Variants in MRPL42 observed in about 807,000 individuals in gnomAD.
MRPL42 encodes the protein large ribosomal subunit protein mL42.
Under a neutral mutation model 17.9 loss-of-function variants are expected in MRPL42, and 17 were observed. The ratio of observed to expected loss-of-function variants is 0.95; its 90% CI spans 0.65 to 1.42. MRPL42 has a LOEUF of 1.42. Among genes scored for constraint, MRPL42 ranks in the 40% most tolerant of loss-of-function variants. MRPL42 has a pLI of 0.00. For missense variants in MRPL42, 177 were observed against 175.2 expected (o/e 1.01, Z -0.06); for synonymous variants, 59 against 54.4 (o/e 1.08, Z -0.37).
chr12:93,482,024 C>T (rs929074124), intron 4 of MRPL42, among the ~76,000 whole-genome samples: 3 of 152,124 alleles, frequency 2.0e-5, no homozygotes, highest in African/African-American at 7.2e-5. Context: ...ATCTTCTCTG[C>T]CACATCATCA....
At chr12:93,500,133 T>A (rs888818852) in intron 5 of MRPL42, among the ~76,000 whole-genome samples, 2 of 152,206 alleles carry the variant, frequency 1.3e-5, no homozygotes, top group African/African-American at 4.8e-5. Flanking sequence ...TTTCTCTATA[T>A]CTATACATAA....
intron 3 of MRPL42, among the ~76,000 whole-genome samples, chr12:93,478,264 T>C (rs1880279344): frequency 6.7e-6 from 1 of 150,286 alleles, no homozygotes; most frequent in African/African-American, 2.5e-5. Context: ...CCTTTTATTT[T>C]TGAGACAGGG....
Position 93,477,005 on chromosome 12 carries a change from A to G in MRPL42, c.122A>G (p.Asp41Gly). 2 of 1,594,178 alleles carry G rather than the reference A, an allele frequency of 1.3e-6. No homozygotes were observed. Among genetic ancestry groups the G allele is most frequent in the Non-Finnish European group, 1.7e-6 (2 of 1,164,752 alleles). ...AAATCTACGTATTCTCCTCTACCAG[A>G]TGACTATAATTGGTATGTATTAAAA... ...CHKSTYSPLPDDYNCNVELAL... is the reference protein window; with the variant it reads ...CHKSTYSPLPGDYNCNVELAL... The change falls in exon 3 of 6, where the codon GAT becomes GGT. Residue 41 changes from aspartate (D) to glycine (G), a missense_variant. Asp to Gly is a moderately conservative substitution (Grantham distance 94). Transcript: ENST00000549982.
rs1470652153 is a variant in MRPL42 at position 93,502,618 on chromosome 12, AAAC to A, written c.*1400_*1402del. 6.6e-6 allele frequency: 1 copy of A among 152,198 alleles called. No individual in the cohort carries two copies. The highest frequency in any genetic ancestry group is 2.4e-5 in the African/African-American group (1 of 41,458). The allele number at this position is 152,198 out of a possible 1,614,324, so 9.4% of individuals were successfully genotyped here. A position where few individuals can be genotyped will look rare whatever the true frequency, so the allele number is the denominator to read the frequency against. On this transcript the variant is annotated 3_prime_UTR_variant, in exon 6 of 6. Transcript: ENST00000549982. The stretch of plus-strand genomic sequence containing the variant: ...TAAATTTCATTTGGAAAGATTAAAA[AAAC>A]AAGTTTGATTGAACTTGATAAATCA...
Position 93,502,770 on chromosome 12 carries a change from A to T in MRPL42, c.*1549A>T, listed in dbSNP as rs2121286704. The T allele has an allele frequency of 6.6e-6, 1 of 152,318 alleles. No homozygotes were observed. The highest frequency in any genetic ancestry group is 1.5e-5 in the Non-Finnish European group (1 of 68,018). The allele number at this position is 152,318 out of a possible 1,614,324, so 9.4% of individuals were successfully genotyped here. The stretch of plus-strand genomic sequence containing the variant: ...TTATAAATGTAGAAAGAAGTGAAAA[A>T]TCAAAATATGATTATGAAGATTTTC... On this transcript the variant is annotated 3_prime_UTR_variant, in exon 6 of 6. Transcript: ENST00000549982.
At chr12:93,494,589 A>G (rs1264121158) in intron 5 of MRPL42, among the ~76,000 whole-genome samples, 2 of 152,204 alleles carry the variant, frequency 1.3e-5, no homozygotes, top group Non-Finnish European at 1.5e-5. Context: ...ACACATACCA[A>G]GTTAAGGATA....
intron 1 of MRPL42, among the ~76,000 whole-genome samples, chr12:93,467,758 C>T (rs1263554848): frequency 1.3e-5 from 2 of 152,206 alleles, no homozygotes; most frequent in African/African-American, 2.4e-5. Flanking sequence ...CCCTGGCGGA[C>T]GCCCGTGGGG....
intron 2 of MRPL42, among the ~76,000 whole-genome samples, chr12:93,476,001 A>G (rs1370575989): frequency 2.0e-5 from 3 of 152,066 alleles, no homozygotes; most frequent in African/African-American, 7.2e-5. Flanking sequence ...CAAAACAACA[A>G]CAACAAAAAA....
intron 2 of MRPL42, among the ~76,000 whole-genome samples, chr12:93,475,780 C>T (rs898794436): frequency 3.3e-5 from 5 of 151,932 alleles, no homozygotes; most frequent in Admixed American, 2.6e-4. Flanking sequence ...GTCAGGAGAT[C>T]GAGACCATCC....
intron 5 of MRPL42, among the ~76,000 whole-genome samples, chr12:93,489,902 G>A (rs1024491887): frequency 6.6e-6 from 1 of 152,150 alleles, no homozygotes; most frequent in Middle Eastern, 3.2e-3. Context: ...ATTTTTAATT[G>A]TAAGGTTAGG....
At chr12:93,488,404 T>G in intron 5 of MRPL42, 1 of 398,076 alleles carries the variant, frequency 2.5e-6, no homozygotes, top group Non-Finnish European at 4.4e-6. Context: ...ACTTTTAAAT[T>G]TACATATAAT....
chr12:93,504,787 A>G lies in MRPL42; in HGVS notation c.*3566A>G, dbSNP rs1953650262. 6.6e-6 allele frequency: 1 copy of G among 152,190 alleles called. No individual in the cohort carries two copies. The highest frequency in any genetic ancestry group is 1.5e-5 in the Non-Finnish European group (1 of 68,036). The allele number at this position is 152,190 out of a possible 1,614,324, so 9.4% of individuals were successfully genotyped here. On this transcript the variant is annotated 3_prime_UTR_variant, in exon 6 of 6. Transcript: ENST00000549982. ...CACTGTATATCTCTCCATAGCACTTAATCAGAGTTTGTAATTAGGCATCTT... is the reference window on the plus strand; with the variant it reads ...CACTGTATATCTCTCCATAGCACTTGATCAGAGTTTGTAATTAGGCATCTT...
chr12:93,469,405 TAAG>T, intron 2 of MRPL42, 50 bp downstream of exon 2: 2 of 1,358,996 alleles, frequency 1.5e-6, no homozygotes, highest in Non-Finnish European at 2.0e-6. Flanking sequence ...TTTTAAGAAT[TAAG>T]AAAATTTAAA....
intron 4 of MRPL42, among the ~76,000 whole-genome samples, chr12:93,484,979 C>CACATATATAT (rs1555201395): frequency 2.2e-4 from 5 of 22,472 alleles, no homozygotes; most frequent in Non-Finnish European, 5.3e-4. Context: ...CACACACACA[C>CACATATATAT]ATATATATAT....
Position 93,503,023 on chromosome 12 carries a change from C to T in MRPL42, c.*1802C>T, listed in dbSNP as rs1953617778. On this transcript the variant is annotated 3_prime_UTR_variant, in exon 6 of 6. Transcript: ENST00000549982. Reference sequence around the variant, plus strand: ...CAGCATCACCTGCCCTCTGTTCCTCCCCCGTCCCCCAGGGATAAGAACCTG... The same window carrying T: ...CAGCATCACCTGCCCTCTGTTCCTCTCCCGTCCCCCAGGGATAAGAACCTG... The T allele has an allele frequency of 6.6e-6, 1 of 152,206 alleles. No individual in the cohort carries two copies. The highest frequency in any genetic ancestry group is 6.6e-5 in the Admixed American group (1 of 15,266). The allele number at this position is 152,206 out of a possible 1,614,324, so 9.4% of individuals were successfully genotyped here.
rs1312391648 is a variant in MRPL42 at position 93,474,470 on chromosome 12, T to G, written c.71-2484T>G. On this transcript the variant is annotated intron_variant, in intron 2 of 5. Coordinates refer to ENST00000549982, the MANE Select transcript of MRPL42 (RefSeq NM_014050.4). ...AATTTTTTTAGAAACGATTTTGCTC[T>G]GTTGCCCAGGCTAGAATTCAGTGGC... Among the ~76,000 whole-genome samples the G allele has an allele frequency of 2.6e-5, 4 of 152,228 alleles. No homozygotes were observed. In the East Asian group the frequency reaches 5.8e-4, roughly 22 times the overall value.
rs1321819123 is a variant in MRPL42 at position 93,512,028 on chromosome 12, A to C, written c.*10807A>C. On this transcript the variant is annotated 3_prime_UTR_variant, in exon 6 of 6. Coordinates refer to ENST00000549982, the MANE Select transcript of MRPL42 (RefSeq NM_014050.4). ...AAGTTTGAGATTGTTCTCTTTATGT[A>C]ATAGTTTGGAAAACAAACAACTGTG... The C allele has an allele frequency of 1.3e-5, 2 of 152,248 alleles. No homozygotes were observed. The highest frequency in any genetic ancestry group is 4.8e-5 in the African/African-American group (2 of 41,466). The allele number at this position is 152,248 out of a possible 1,614,324, so 9.4% of individuals were successfully genotyped here. A position where few individuals can be genotyped will look rare whatever the true frequency, so the allele number is the denominator to read the frequency against.
At chr12:93,490,072 C>CTTCTTCTG in intron 5 of MRPL42, among the ~76,000 whole-genome samples, 2 of 152,244 alleles carry the variant, frequency 1.3e-5, no homozygotes, top group South Asian at 4.1e-4. Context: ...CTTGTTTCAA[C>CTTCTTCTG]TTCTTCTGTA....
chr12:93,488,460 G>A, intron 5 of MRPL42: 1 of 386,996 alleles, frequency 2.6e-6, no homozygotes, highest in South Asian at 1.3e-4. Flanking sequence ...ATTTTAATGG[G>A]GGAATTTAAC....
Sources: gnomAD v4.1 joint callset for allele counts (sites outside exome capture counted in the v4.1 genomes callset) on GRCh38, gnomAD v4.1.1 for gene constraint, MANE v1.5 for transcripts, NCBI Gene and HGNC (gene_info 2026-07-23, HGNC 2026-07-21) for gene names.